Variants in CFAP99 observed in about 807,000 individuals in gnomAD.
The protein encoded by CFAP99 is cilia and flagella associated protein 99.
In CFAP99, 84 loss-of-function variants were observed where a neutral mutation model predicts 82.7. The observed-to-expected ratio is 1.02, with a 90% CI of 0.85 to 1.22. The LOEUF is 1.22. Ranked by LOEUF, CFAP99 falls within the 50% of genes most tolerant of loss-of-function variation. The probability of loss-of-function intolerance (pLI) is 0.00; values close to 1 mark genes in which losing one functional copy is unlikely to be tolerated. For missense variants in CFAP99, 1,059 were observed against 983.5 expected (o/e 1.08, Z -1.03); for synonymous variants, 456 against 429.5 (o/e 1.06, Z -0.76).
intron 2 of CFAP99, among the ~76,000 whole-genome samples, chr4:2,431,258 A>G (rs1733794919): frequency 6.6e-6 from 1 of 151,302 alleles, no homozygotes; most frequent in South Asian, 2.1e-4. Context: ...GGTCCCAGCT[A>G]CTCGGGAGGC....
chr4:2,435,223 G>T (rs1327133476), intron 2 of CFAP99, among the ~76,000 whole-genome samples: 1 of 151,552 alleles, frequency 6.6e-6, no homozygotes, highest in East Asian at 1.9e-4. Context: ...CTTGAACCCA[G>T]GAGGCGGAGG....
intron 2 of CFAP99, 101 bp downstream of exon 2, chr4:2,426,687 T>G (rs1578462977): frequency 1.3e-6 from 1 of 763,118 alleles, no homozygotes; most frequent in East Asian, 2.7e-5. Flanking sequence ...ACTGCCTTCC[T>G]TCCACATGGG....
intron 10 of CFAP99, 142 bp from the exon 11 acceptor site, chr4:2,452,000 G>A (rs1038372653): frequency 3.8e-6 from 3 of 790,240 alleles, no homozygotes; most frequent in Non-Finnish European, 6.2e-6. Context: ...GGGGATAGGA[G>A]GAAGGGCAGG....
chr4:2,425,424 G>A (rs1384540050), intron 1 of CFAP99, among the ~76,000 whole-genome samples: 2 of 152,276 alleles, frequency 1.3e-5, no homozygotes, highest in African/African-American at 4.8e-5. Context: ...GTTGGTGGGG[G>A]TCGCTTGCAT....
In CFAP99 at chr4:2,426,451, G is replaced by C. The variant is rs919301580; in HGVS notation, c.-17-8G>C. ...GTGGAGGGCGTGACCTGCACGGTTT[G>C]TTCTTAGGCTTCTGCCCTAAGAAGA... On this transcript the variant is annotated splice_polypyrimidine_tract_variant and splice_region_variant and intron_variant, in intron 1 of 14. Coordinates refer to ENST00000635017, the Ensembl canonical transcript of CFAP99. 122 of 1,506,518 alleles carry C rather than the reference G, an allele frequency of 8.1e-5. No homozygotes were observed. The Admixed American group carries it at 2.3e-3, about 28-fold the overall frequency. 93.3% of individuals were successfully genotyped at this position (1,506,518 alleles called of 1,614,324 possible). A position where few individuals can be genotyped will look rare whatever the true frequency, so the allele number is the denominator to read the frequency against.
chr4:2,459,520 A>AG (rs1433374049), intron 13 of CFAP99, among the ~76,000 whole-genome samples: 1 of 152,222 alleles, frequency 6.6e-6, no homozygotes, highest in Non-Finnish European at 1.5e-5. Flanking sequence ...TTCACAGAGG[A>AG]GGCCACTTAG....
intron 14 of CFAP99, among the ~76,000 whole-genome samples, chr4:2,461,701 C>G (rs1169819075): frequency 6.6e-6 from 1 of 152,148 alleles, no homozygotes; most frequent in Non-Finnish European, 1.5e-5. Context: ...CCAGGGTCGA[C>G]CTGGACAGTC....
chr4:2,429,098 A>G (rs1324216741), intron 2 of CFAP99: 1 of 152,310 alleles, frequency 6.6e-6, no homozygotes, highest in Admixed American at 6.5e-5. Flanking sequence ...CTCCAGCTGC[A>G]CTGGTCTCCT....
At chr4:2,424,000 G>C (rs1733634559) in intron 1 of CFAP99, among the ~76,000 whole-genome samples, 1 of 152,232 alleles carries the variant, frequency 6.6e-6, no homozygotes, top group African/African-American at 2.4e-5. Context: ...TCCAGGGCCT[G>C]TTTTCAGCAC....
chr4:2,443,373 G>A (rs998813902), intron 5 of CFAP99, 131 bp downstream of exon 5: 21 of 644,408 alleles, frequency 3.3e-5, no homozygotes, highest in Admixed American at 1.2e-4. Flanking sequence ...TAATCACTCC[G>A]TGTTCGGATG....
rs1734214482 is a variant in CFAP99 at position 2,448,102 on chromosome 4, T to C, written c.643-1568T>C. On this transcript the variant is annotated intron_variant, in intron 6 of 14. Coordinates refer to ENST00000635017, the Ensembl canonical transcript of CFAP99. This position sits in a 1 kb window ranked among gnomAD's most constrained non-coding sequence, Gnocchi z 5.2. ...ATGGATGGGTGGGTGAGTGGGTGGA[T>C]GATCAGATGGATGGATGATTAGATG... is the stretch of plus-strand genomic sequence containing the variant. 6.6e-6 allele frequency among the ~76,000 whole-genome samples: 1 copy of C among 152,070 alleles called. No homozygotes were observed. The highest frequency in any genetic ancestry group is 2.1e-4 in the South Asian group (1 of 4,816).
exon 6 of CFAP99, chr4:2,445,170 G>A: frequency 1.4e-6 from 2 of 1,414,018 alleles, no homozygotes; most frequent in South Asian, 1.6e-5. Context: ...ACCACCTGGA[G>A]GGCGTGTCTG....
At chr4:2,452,181 G>A (rs1199706077) in exon 11 of CFAP99, 1 of 1,536,088 alleles carries the variant, frequency 6.5e-7, no homozygotes, top group East Asian at 2.4e-5. Flanking sequence ...ACTTCTCTGA[G>A]TTCTTCGAGT....
At chr4:2,432,981 CCCCCAGG>C (rs148745737) in intron 2 of CFAP99, among the ~76,000 whole-genome samples, 6,672 of 151,980 alleles carry the variant, frequency 0.044, 507 homozygotes, top group African/African-American at 0.15. Flanking sequence ...CTTGCCCCCA[CCCCCAGG>C]CCCCAGGCCC....
intron 14 of CFAP99, among the ~76,000 whole-genome samples, chr4:2,461,885 T>C (rs1734628614): frequency 6.6e-6 from 1 of 151,950 alleles, no homozygotes; most frequent in Non-Finnish European, 1.5e-5. Flanking sequence ...AGGGGGTACC[T>C]CCAGGCAAGA....
In CFAP99 at chr4:2,452,058, T is replaced by C; in HGVS notation, c.957-84T>C. On this transcript the variant is annotated intron_variant, in intron 10 of 14. Transcript: ENST00000635017. Reference sequence around the variant, plus strand: ...TAGCAGCCCACGCCTGCGCAGCCACTGTCCCTCAGGAAAACCTGTGACCAC... The same window carrying C: ...TAGCAGCCCACGCCTGCGCAGCCACCGTCCCTCAGGAAAACCTGTGACCAC... The C allele has an allele frequency of 1.1e-5, 16 of 1,410,550 alleles. No homozygotes were observed. The South Asian group carries it at 1.7e-4, about 15-fold the overall frequency. 87.4% of individuals were successfully genotyped at this position (1,410,550 alleles called of 1,614,324 possible).
chr4:2,442,198 C>G (rs1734058025), intron 4 of CFAP99, among the ~76,000 whole-genome samples: 2 of 152,108 alleles, frequency 1.3e-5, no homozygotes, highest in African/African-American at 4.8e-5. Flanking sequence ...AGTGCTGAGT[C>G]TGTCCCAGGG....
chr4:2,458,875 G>A lies in CFAP99; in HGVS notation c.1303+11G>A. The A allele has an allele frequency of 6.5e-7, 1 of 1,532,482 alleles. No individual in the cohort carries two copies. Among genetic ancestry groups the A allele is most frequent in the Middle Eastern group, 1.8e-4 (1 of 5,588 alleles). The allele number at this position is 1,532,482 out of a possible 1,614,324, so 94.9% of individuals were successfully genotyped here. ...GCCGACAGCAGACAGGTAGTCAGGA[G>A]CCAGATGTCACTGGCCCTACCCCGC... On this transcript the variant is annotated intron_variant, in intron 12 of 14. Coordinates refer to ENST00000635017, the Ensembl canonical transcript of CFAP99.
At chr4:2,423,009 T>C (rs1733614470) in intron 1 of CFAP99, among the ~76,000 whole-genome samples, 1 of 152,180 alleles carries the variant, frequency 6.6e-6, no homozygotes, top group Non-Finnish European at 1.5e-5. Flanking sequence ...CCAGTTACGC[T>C]GTGGAGTTTT....
Sources: allele counts gnomAD v4.1 joint callset (sites outside exome capture counted in the v4.1 genomes callset), GRCh38; gene constraint gnomAD v4.1.1; non-coding constraint Gnocchi (gnomAD v3.1); transcripts MANE v1.5; gene names NCBI Gene and HGNC (gene_info 2026-07-23, HGNC 2026-07-21).